Variants in COL4A4 observed in about 807,000 individuals in gnomAD.
The protein encoded by COL4A4 is collagen type IV alpha 4 chain.
A neutral mutation model predicts 192.9 loss-of-function variants in COL4A4; 105 were observed. The observed-to-expected ratio is 0.54, with a 90% CI of 0.46 to 0.64. The LOEUF is 0.64. Ranked by LOEUF, COL4A4 falls within the 30% of genes least tolerant of loss-of-function variation. The pLI is 0.00. For missense variants in COL4A4, 1,967 were observed against 2,169.3 expected, an observed-to-expected ratio of 0.91 and a Z score of 1.85; for synonymous variants, 762 against 769.9, an observed-to-expected ratio of 0.99 and a Z score of 0.17.
In COL4A4 at chr2:227,041,848, G is replaced by GAGAAAGAAAGAA. The variant is rs71036154; in HGVS notation, c.3505+288_3505+299dup. Among the ~76,000 whole-genome samples the GAGAAAGAAAGAA allele has an allele frequency of 5.1e-3, 199 of 38,672 alleles. 16 individuals are homozygous for GAGAAAGAAAGAA. The highest frequency in any genetic ancestry group is 0.016 in the East Asian group (15 of 910). The allele number at this position is 38,672 out of a possible 152,430, so 25.4% of individuals were successfully genotyped here. A position where few individuals can be genotyped will look rare whatever the true frequency, so the allele number is the denominator to read the frequency against. Reference sequence around the variant, plus strand: ...AGAAAGAAAGAAAGAAAGAAAGAAAGAGAAAGAAAGAAAGAAAGAAAGAAA... The same window carrying GAGAAAGAAAGAA: ...AGAAAGAAAGAAAGAAAGAAAGAAAGAGAAAGAAAGAAAGAAAGAAAGAAAGAAAGAAAGAAA... On this transcript the variant is annotated intron_variant, in intron 37 of 47. Transcript: ENST00000396625.
In COL4A4 at chr2:227,028,018, AAAAC is replaced by A; in HGVS notation, c.3974-13_3974-10del. 6 of 1,568,168 alleles carry A rather than the reference AAAAC, an allele frequency of 3.8e-6. No homozygotes were observed. The highest frequency in any genetic ancestry group is 3.4e-5 in the South Asian group (3 of 88,478). ...CGGGAATCCCACTGGTCCTTAAAAA[AAAAC>A]AAAACATAAAAATGAGGGCACTGGA... On this transcript the variant is annotated splice_polypyrimidine_tract_variant and intron_variant, in intron 41 of 47. Coordinates refer to ENST00000396625, the MANE Select transcript of COL4A4 (RefSeq NM_000092.5).
chr2:227,119,994 A>G (rs2061691285), intron 5 of COL4A4, 55 bp from the exon 6 acceptor site: 3 of 1,313,902 alleles, frequency 2.3e-6, no homozygotes, highest in East Asian at 5.2e-5. Context: ...TAATAAGCTG[A>G]TTTACTTGAA....
At position 227,161,081 on chromosome 2, in the gene COL4A4, T is replaced by C. The variant is rs148540190; in HGVS notation, c.-102+2926A>G. ...TACAATGAAGGCTAGAGGTAGATCATGAACTTAGGAAGAAACCAGACTAAG... is the reference window on the plus strand; with the variant it reads ...TACAATGAAGGCTAGAGGTAGATCACGAACTTAGGAAGAAACCAGACTAAG... On this transcript the variant is annotated intron_variant, in intron 1 of 47. Transcript: ENST00000396625. 5.9e-3 allele frequency among the ~76,000 whole-genome samples: 899 copies of C among 152,342 alleles called. 14 individuals carry two copies. Among genetic ancestry groups the C allele is most frequent in the African/African-American group, 0.019 (803 of 41,578 alleles).
rs1328982334 is a variant in COL4A4, at chr2:227,099,721, G to A, written c.1030-32C>T. ...TCATTCATTCATTCACTTTTTAAAG[G>A]AATATTAATTTTACTCATGTTGCCT... On this transcript the variant is annotated intron_variant, in intron 17 of 47. Coordinates refer to ENST00000396625, the MANE Select transcript of COL4A4 (RefSeq NM_000092.5). The A allele has an allele frequency of 3.8e-6, 6 of 1,595,252 alleles. No individual in the cohort carries two copies. The African/African-American group carries it at 4.0e-5, about 11-fold the overall frequency.
chr2:227,074,293 GA>G (rs1475409501), intron 25 of COL4A4, among the ~76,000 whole-genome samples: 6 of 151,984 alleles, frequency 3.9e-5, no homozygotes, highest in African/African-American at 1.4e-4. Context: ...ACAAGCATGT[GA>G]AAAAATACTC....
intron 35 of COL4A4, among the ~76,000 whole-genome samples, chr2:227,046,104 T>TTTAGAACAA (rs1197187110): frequency 2.1e-5 from 2 of 93,410 alleles, no homozygotes; most frequent in East Asian, 5.8e-4. Context: ...CATATATATA[T>TTTAGAACAA]ATCTAAATAT....
In COL4A4 at chr2:227,049,841, G is replaced by T. The variant is rs80056569; in HGVS notation, c.3214+227C>A. On this transcript the variant is annotated intron_variant, in intron 34 of 47. Transcript: ENST00000396625. ...TGCTGGGACTCTCACAGAGGAGGAA[G>T]ACACGAAGAGCCTGCAGGCATGCTG... Among the ~76,000 whole-genome samples, 895 of 152,326 alleles carry T rather than the reference G, an allele frequency of 5.9e-3. 10 individuals are homozygous for T. Among genetic ancestry groups the T allele is most frequent in the African/African-American group, 0.02 (843 of 41,562 alleles).
Position 227,081,986 on chromosome 2 carries a change from T to C in COL4A4, c.1696+129A>G, listed in dbSNP as rs1288997116. Reference sequence around the variant, plus strand: ...AACCTTATGAAGGGCAGGAAGTATTTTTTTAAGTAATCTCAACCATCCTAA... The same window carrying C: ...AACCTTATGAAGGGCAGGAAGTATTCTTTTAAGTAATCTCAACCATCCTAA... On this transcript the variant is annotated intron_variant, in intron 23 of 47. Coordinates refer to ENST00000396625, the MANE Select transcript of COL4A4 (RefSeq NM_000092.5). The C allele has an allele frequency of 7.0e-6, 6 of 857,100 alleles. No individual in the cohort carries two copies. The East Asian group carries it at 1.2e-4, about 17-fold the overall frequency. The allele number at this position is 857,100 out of a possible 1,614,324, so 53.1% of individuals were successfully genotyped here. A position where few individuals can be genotyped will look rare whatever the true frequency, so the allele number is the denominator to read the frequency against.
At chr2:227,094,799 A>G (rs1382844029) in intron 19 of COL4A4, among the ~76,000 whole-genome samples, 1 of 152,222 alleles carries the variant, frequency 6.6e-6, no homozygotes, top group African/African-American at 2.4e-5. Flanking sequence ...CATATATCAG[A>G]ACATCAAGCT....
In COL4A4 at chr2:227,005,373, T is replaced by A. The variant is rs1339047399; in HGVS notation, c.*1952A>T. On this transcript the variant is annotated 3_prime_UTR_variant, in exon 48 of 48. Coordinates refer to ENST00000396625, the MANE Select transcript of COL4A4 (RefSeq NM_000092.5). ...AAGTTCAAGATGAACAGGTTGAACT[T>A]TTAGGAGGGTTGACTTTTGGTAATA... The A allele has an allele frequency of 6.6e-6, 1 of 152,136 alleles. No homozygotes were observed. Among genetic ancestry groups the A allele is most frequent in the Non-Finnish European group, 1.5e-5 (1 of 68,026 alleles). 9.4% of individuals were successfully genotyped at this position (152,136 alleles called of 1,614,324 possible).
chr2:227,096,378 G>T (rs954468367), intron 19 of COL4A4, among the ~76,000 whole-genome samples: 1 of 152,094 alleles, frequency 6.6e-6, no homozygotes, highest in Non-Finnish European at 1.5e-5. Flanking sequence ...CTAGGTTTTA[G>T]GAAATTTTTT....
the COL4A4 span, among the ~76,000 whole-genome samples, chr2:226,990,592 G>T: frequency 4.6e-5 from 7 of 152,108 alleles, no homozygotes; most frequent in Non-Finnish European, 7.4e-5. Flanking sequence ...TCAACTCATG[G>T]TGTTCCTTTT....
chr2:226,992,246 C>T, the COL4A4 span, among the ~76,000 whole-genome samples: 34 of 152,338 alleles, frequency 2.2e-4, no homozygotes, highest in African/African-American at 6.3e-4. Flanking sequence ...GTGGCTCCAA[C>T]GCAGAGCACA....
At chr2:227,119,824 T>C (rs1195947779) in intron 6 of COL4A4, 71 bp downstream of exon 6, 2 of 918,760 alleles carry the variant, frequency 2.2e-6, no homozygotes, top group Non-Finnish European at 3.3e-6. Flanking sequence ...TATATATACA[T>C]GTGGTTTTAA....
At chr2:227,061,065 G>A (rs558559604) in intron 26 of COL4A4, among the ~76,000 whole-genome samples, 1 of 152,228 alleles carries the variant, frequency 6.6e-6, no homozygotes, top group South Asian at 2.1e-4. Context: ...TTTCTACAAG[G>A]AGTTATCTCA....
At chr2:226,991,024 C>T in the COL4A4 span, among the ~76,000 whole-genome samples, 1 of 152,178 alleles carries the variant, frequency 6.6e-6, no homozygotes, top group African/African-American at 2.4e-5. Flanking sequence ...GTGACAAAAG[C>T]GTGCTGCTTA....
intron 3 of COL4A4, among the ~76,000 whole-genome samples, chr2:227,143,970 G>A (rs1254601710): frequency 1.3e-5 from 2 of 152,230 alleles, no homozygotes; most frequent in Non-Finnish European, 2.9e-5. Flanking sequence ...CACTGAAATT[G>A]CATTGGGTGA....
chr2:227,010,952 C>G (rs565669115), intron 45 of COL4A4, among the ~76,000 whole-genome samples: 86 of 152,330 alleles, frequency 5.6e-4, no homozygotes, highest in African/African-American at 2.0e-3. Context: ...TCTTACACCT[C>G]CCAGACCTCT....
At chr2:227,025,549 A>T (rs1178648835) in intron 43 of COL4A4, among the ~76,000 whole-genome samples, 4 of 152,112 alleles carry the variant, frequency 2.6e-5, no homozygotes, top group African/African-American at 9.7e-5. Flanking sequence ...TTCATGCCCA[A>T]ATTGAAACTA....
Sources: gnomAD v4.1 joint callset for allele counts (sites outside exome capture counted in the v4.1 genomes callset) on GRCh38, gnomAD v4.1.1 for gene constraint, MANE v1.5 for transcripts, NCBI Gene and HGNC (gene_info 2026-07-23, HGNC 2026-07-21) for gene names.